The following DLC1 variants were observed in gnomAD, a reference collection of about 807,000 sequenced individuals.
DLC1 encodes DLC1 Rho GTPase activating protein.
In DLC1, 54 loss-of-function variants were observed where a neutral mutation model predicts 140.3. That is an observed-to-expected ratio of 0.38 (90% confidence interval 0.31 to 0.48). The LOEUF (loss-of-function observed/expected upper bound fraction) is 0.48. Among genes scored for constraint, DLC1 ranks in the 20% least tolerant of loss-of-function variants. The probability of loss-of-function intolerance (pLI) is 0.96; values close to 1 mark genes in which losing one functional copy is unlikely to be tolerated. For synonymous variants in DLC1, 986 were observed against 728.1 expected, an observed-to-expected ratio of 1.35 and a Z score of -5.70; for missense variants, 2,536 against 1,907.0, an observed-to-expected ratio of 1.33 and a Z score of -6.14.
In DLC1 at chr8:13,487,710, T is replaced by A. The variant is rs140599262; in HGVS notation, c.1023+11339A>T. On this transcript the variant is annotated intron_variant, in intron 2 of 17. Transcript: ENST00000276297. The stretch of plus-strand genomic sequence containing the variant: ...GCCTCAGCCTCCTGAGTTGCTGGGA[T>A]GACAGGTGCCCACCACCATGTCCGG... Among the ~76,000 whole-genome samples the A allele has an allele frequency of 5.6e-3, 854 of 152,172 alleles. 3 individuals carry two copies. The highest frequency in any genetic ancestry group is 8.5e-3 in the Non-Finnish European group (578 of 68,012).
intron 2 of DLC1, among the ~76,000 whole-genome samples, chr8:13,421,160 C>G (rs556832128): frequency 2.6e-5 from 4 of 152,140 alleles, no homozygotes; most frequent in Non-Finnish European, 4.4e-5. Context: ...ATCCAGAATA[C>G]ATGTCATTTA....
At chr8:13,359,066 G>GAC (rs1403012123) in intron 4 of DLC1, among the ~76,000 whole-genome samples, 2 of 152,046 alleles carry the variant, frequency 1.3e-5, no homozygotes, top group Non-Finnish European at 2.9e-5. Flanking sequence ...AGCCTCCCAG[G>GAC]TAGCTGAGAC....
chr8:13,582,720 C>T (rs997327459), intron 1 of DLC1, among the ~76,000 whole-genome samples: 76 of 151,200 alleles, frequency 5.0e-4, no homozygotes, highest in African/African-American at 1.7e-3. Flanking sequence ...CATTCTGTCC[C>T]TCTAGAGAAC....
chr8:13,415,231 A>C (rs1441860989), intron 2 of DLC1, among the ~76,000 whole-genome samples: 1 of 152,152 alleles, frequency 6.6e-6, no homozygotes, highest in Non-Finnish European at 1.5e-5. Flanking sequence ...TATTTAAATA[A>C]ATTAAATAAA....
chr8:13,545,046 G>T lies in DLC1; in HGVS notation c.-125-44850C>A, dbSNP rs144532378. Among the ~76,000 whole-genome samples the T allele has an allele frequency of 1.7e-3, 259 of 152,052 alleles. 1 individual carries two copies. Among genetic ancestry groups the T allele is most frequent in the African/African-American group, 6.0e-3 (250 of 41,492 alleles). ...CTGGGTTTTTGTTTATATTTTCGTC[G>T]TATCCTCAGTGCTAGAACATAGGCA... is the stretch of plus-strand genomic sequence containing the variant. On this transcript the variant is annotated intron_variant, in intron 1 of 1. Coordinates refer to the DLC1 transcript ENST00000631382.
chr8:13,121,031 C>T (rs141533437), intron 5 of DLC1, among the ~76,000 whole-genome samples: 1 of 152,292 alleles, frequency 6.6e-6, no homozygotes, highest in African/African-American at 2.4e-5. Context: ...TGGATTTCCT[C>T]TCTTCTGTGA....
intron 2 of DLC1, among the ~76,000 whole-genome samples, chr8:13,412,790 G>C (rs1462650001): frequency 6.6e-6 from 1 of 151,942 alleles, no homozygotes; most frequent in African/African-American, 2.4e-5. Flanking sequence ...AAATTAGCCG[G>C]GTGTGGTGGT....
chr8:13,583,854 A>G (rs540840006), intron 1 of DLC1: 3 of 152,394 alleles, frequency 2.0e-5, no homozygotes, highest in Admixed American at 1.3e-4. Flanking sequence ...GGCTCTCAGT[A>G]ACCACCCACC....
intron 5 of DLC1, among the ~76,000 whole-genome samples, chr8:13,248,385 TCTCTGACTCTGAGAAAGACTCTCTGA>T (rs1829855437): frequency 9.7e-6 from 1 of 102,732 alleles, no homozygotes; most frequent in Admixed American, 8.4e-5. Flanking sequence ...GAAGAAAGAC[TCTCTGACTCTGAGAAAGACTCTCTGA>T]CTCTGAGCTG....
intron 4 of DLC1, among the ~76,000 whole-genome samples, chr8:13,346,209 C>G (rs776478007): frequency 3.3e-5 from 5 of 152,160 alleles, no homozygotes; most frequent in Non-Finnish European, 7.3e-5. Context: ...GTCTCTACAA[C>G]TTGGTTAAAG....
At chr8:13,353,539 A>G (rs1028061322) in intron 4 of DLC1, 2 of 152,172 alleles carry the variant, frequency 1.3e-5, no homozygotes, top group Non-Finnish European at 2.9e-5. Context: ...ATATCTGTAA[A>G]AGACTTCACT....
chr8:13,566,098 C>A (rs954543669), intron 1 of DLC1, among the ~76,000 whole-genome samples: 1 of 151,798 alleles, frequency 6.6e-6, no homozygotes, highest in Non-Finnish European at 1.5e-5. Context: ...GCAACACCGA[C>A]ATGATTTCTG....
chr8:13,223,351 G>T (rs1468759635), intron 5 of DLC1, among the ~76,000 whole-genome samples: 1 of 152,108 alleles, frequency 6.6e-6, no homozygotes, highest in Non-Finnish European at 1.5e-5. Flanking sequence ...TAATCTAGCT[G>T]TACTTTTCTT....
chr8:13,138,738 G>A (rs1425532308), intron 5 of DLC1, among the ~76,000 whole-genome samples: 1 of 152,104 alleles, frequency 6.6e-6, no homozygotes, highest in Non-Finnish European at 1.5e-5. Context: ...CCCAATCTGG[G>A]TTCTCCCCCT....
At chr8:13,428,129 G>A (rs57706723) in intron 2 of DLC1, among the ~76,000 whole-genome samples, 3,971 of 152,192 alleles carry the variant, frequency 0.026, 50 homozygotes, top group Middle Eastern at 0.044. Context: ...CTTTTGTATG[G>A]GCGTGTGTTG....
intron 4 of DLC1, among the ~76,000 whole-genome samples, chr8:13,329,627 T>C (rs1417664877): frequency 6.6e-6 from 1 of 152,238 alleles, no homozygotes; most frequent in African/African-American, 2.4e-5. Flanking sequence ...TTTAAACTCC[T>C]CATCTGTTCT....
rs745492706 is a variant in DLC1, at chr8:13,499,194, C to T, written c.878G>A (p.Gly293Asp). The T allele has an allele frequency of 6.2e-7, 1 of 1,614,190 alleles. No individual in the cohort carries two copies. Among genetic ancestry groups the T allele is most frequent in the Non-Finnish European group, 8.5e-7 (1 of 1,180,022 alleles). ...TTGTGAAAAACCACTCTTCTCCAGG[C>T]CATTTTCAGCTGACATTCCATTGGG... ...SCPNGMSAENGLEKSGFSQHQ... is the reference protein window; with the variant it reads ...SCPNGMSAENDLEKSGFSQHQ... Residue 293 changes from glycine (G) to aspartate (D), a missense_variant, in exon 2 of 18, where the codon GGC becomes GAC. Gly to Asp is a moderately conservative substitution (Grantham distance 94, BLOSUM62 -1). Coordinates refer to ENST00000276297, the MANE Select transcript of DLC1 (RefSeq NM_182643.3).
intron 4 of DLC1, among the ~76,000 whole-genome samples, chr8:13,391,232 G>C (rs1836747422): frequency 6.6e-6 from 1 of 152,110 alleles, no homozygotes; most frequent in Non-Finnish European, 1.5e-5. Flanking sequence ...GTGTTTGGTG[G>C]TGTTGAAGAG....
chr8:13,414,362 A>T (rs1045909171), intron 2 of DLC1, among the ~76,000 whole-genome samples: 1 of 152,200 alleles, frequency 6.6e-6, no homozygotes, highest in Non-Finnish European at 1.5e-5. Flanking sequence ...TGCCAGTACA[A>T]CTAATGCACA....
Sources: gnomAD v4.1 joint callset for allele counts (sites outside exome capture counted in the v4.1 genomes callset) on GRCh38, gnomAD v4.1.1 for gene constraint, MANE v1.5 for transcripts, NCBI Gene and HGNC (gene_info 2026-07-23, HGNC 2026-07-21) for gene names.